ARHGAP10: variants seen among roughly 807,000 people sequenced by gnomAD.
The protein encoded by ARHGAP10 is Rho GTPase activating protein 10.
ARHGAP10 carries 87 observed loss-of-function variants against 108.6 expected under a neutral mutation model. The ratio of observed to expected loss-of-function variants is 0.80; its 90% CI spans 0.67 to 0.96. The LOEUF (loss-of-function observed/expected upper bound fraction) is 0.96. Among genes scored for constraint, ARHGAP10 ranks in the 40% least tolerant of loss-of-function variants. The pLI is 0.00. For synonymous variants in ARHGAP10, 347 were observed against 341.1 expected (o/e 1.02, Z -0.19); for missense variants, 939 against 954.5 (o/e 0.98, Z 0.21).
chr4:147,732,203 T>C lies in ARHGAP10; in HGVS notation c.-99T>C. 7.8e-7 allele frequency: 1 copy of C among 1,285,622 alleles called. No individual in the cohort carries two copies. The allele number at this position is 1,285,622 out of a possible 1,614,324, so 79.6% of individuals were successfully genotyped here. A position where few individuals can be genotyped will look rare whatever the true frequency, so the allele number is the denominator to read the frequency against. On this transcript the variant is annotated 5_prime_UTR_variant, in exon 1 of 23. Transcript: ENST00000336498. ...GCGCCCGGGCCTGCTAGCTCCTCTGTGCTCCCTGAACGCGCGGCGCCGCAC... is the reference window on the plus strand; with the variant it reads ...GCGCCCGGGCCTGCTAGCTCCTCTGCGCTCCCTGAACGCGCGGCGCCGCAC...
chr4:147,782,986 A>T (rs888697239), intron 1 of ARHGAP10, among the ~76,000 whole-genome samples: 3 of 140,276 alleles, frequency 2.1e-5, no homozygotes, highest in Non-Finnish European at 4.6e-5. Flanking sequence ...ATATTATATA[A>T]ATTATATATA....
chr4:147,911,833 T>G (rs1560822571), intron 12 of ARHGAP10, among the ~76,000 whole-genome samples: 1 of 152,056 alleles, frequency 6.6e-6, no homozygotes, highest in Non-Finnish European at 1.5e-5. Context: ...AATAATAAAA[T>G]ATTATTTTAA....
intron 19 of ARHGAP10, among the ~76,000 whole-genome samples, chr4:148,036,256 C>G (rs1728373767): frequency 6.6e-6 from 1 of 152,088 alleles, no homozygotes; most frequent in Non-Finnish European, 1.5e-5. Flanking sequence ...TTCTGTAGAT[C>G]TTATCTGTTT....
At position 147,870,012 on chromosome 4, in the gene ARHGAP10, G is replaced by C. The variant is rs866996397; in HGVS notation, c.702+3196G>C. The stretch of plus-strand genomic sequence containing the variant: ...AAAGTCCCAGTTTGTGTGTGTGTGT[G>C]TGTGTGTGTGTGTGTGTGTGTGTGT... On this transcript the variant is annotated intron_variant, in intron 7 of 22. Coordinates refer to ENST00000336498, the MANE Select transcript of ARHGAP10 (RefSeq NM_024605.4). Among the ~76,000 whole-genome samples the C allele has an allele frequency of 4.4e-3, 650 of 149,414 alleles. 12 individuals are homozygous for C. Among genetic ancestry groups the C allele is most frequent in the South Asian group, 0.011 (51 of 4,670 alleles).
At chr4:147,952,643 T>C (rs1235153166) in intron 15 of ARHGAP10, among the ~76,000 whole-genome samples, 1 of 152,148 alleles carries the variant, frequency 6.6e-6, no homozygotes, top group Non-Finnish European at 1.5e-5. Flanking sequence ...TTAAAAAATA[T>C]ATTTTGAGTA....
intron 1 of ARHGAP10, among the ~76,000 whole-genome samples, chr4:147,737,387 T>G (rs1728462554): frequency 6.6e-6 from 1 of 150,678 alleles, no homozygotes; most frequent in African/African-American, 2.5e-5. Context: ...ACTCCTGGCC[T>G]CATGTGATCC....
At position 147,967,322 on chromosome 4, in the gene ARHGAP10, C is replaced by G. The variant is rs1739241439; in HGVS notation, c.1716+483C>G. On this transcript the variant is annotated intron_variant, in intron 18 of 22. Transcript: ENST00000336498. The stretch of plus-strand genomic sequence containing the variant: ...TGAGGGGCAGTGAAGCCAGCCCCTG[C>G]TCTGCACCTGGGAAACCGCCTGCCT... 3.3e-5 allele frequency among the ~76,000 whole-genome samples: 5 copies of G among 152,224 alleles called. 1 individual carries two copies. Among genetic ancestry groups the G allele is most frequent in the Admixed American group, 3.3e-4 (5 of 15,284 alleles).
At chr4:147,925,658 C>T (rs2126940984) in intron 13 of ARHGAP10, among the ~76,000 whole-genome samples, 1 of 152,300 alleles carries the variant, frequency 6.6e-6, no homozygotes. Context: ...TAAAGATGAG[C>T]TTCAATCTAA....
chr4:148,030,711 C>T (rs908418151), intron 19 of ARHGAP10, among the ~76,000 whole-genome samples: 2 of 152,134 alleles, frequency 1.3e-5, no homozygotes, highest in South Asian at 2.1e-4. Flanking sequence ...AGAGAACACT[C>T]CTTGTATTTA....
chr4:148,038,972 CTT>C (rs1728501624), intron 19 of ARHGAP10, among the ~76,000 whole-genome samples: 2 of 130,404 alleles, frequency 1.5e-5, no homozygotes, highest in African/African-American at 3.6e-5. Flanking sequence ...CTGTTACTTT[CTT>C]AAACTATATT....
chr4:147,783,207 CACATT>C (rs1379788807), intron 1 of ARHGAP10, among the ~76,000 whole-genome samples: 3 of 141,328 alleles, frequency 2.1e-5, no homozygotes, highest in Non-Finnish European at 4.5e-5. Context: ...ATTTATATAA[CACATT>C]AAATTATGTA....
At chr4:148,053,742 T>C (rs764627533) in intron 20 of ARHGAP10, among the ~76,000 whole-genome samples, 4 of 152,164 alleles carry the variant, frequency 2.6e-5, no homozygotes, top group East Asian at 1.9e-4. Context: ...GTATAGAAAT[T>C]ATGCTATGCC....
At chr4:147,897,494 T>C (rs1462512504) in intron 10 of ARHGAP10, among the ~76,000 whole-genome samples, 2 of 152,178 alleles carry the variant, frequency 1.3e-5, no homozygotes, top group East Asian at 3.8e-4. Flanking sequence ...TAGTTTTTTT[T>C]GCTGTTGCCT....
intron 3 of ARHGAP10, among the ~76,000 whole-genome samples, chr4:147,841,423 C>T (rs1733411425): frequency 6.6e-6 from 1 of 152,168 alleles, no homozygotes; most frequent in Non-Finnish European, 1.5e-5. Context: ...AATATTATTA[C>T]TTCATCCATC....
chr4:147,971,186 GC>G (rs1739394160), intron 18 of ARHGAP10, among the ~76,000 whole-genome samples: 1 of 152,044 alleles, frequency 6.6e-6, no homozygotes, highest in Non-Finnish European at 1.5e-5. Context: ...TTCCCAGGTG[GC>G]AAAGGGTGCT....
intron 20 of ARHGAP10, among the ~76,000 whole-genome samples, chr4:148,053,415 T>C (rs1221237030): frequency 6.6e-6 from 1 of 152,194 alleles, no homozygotes; most frequent in Non-Finnish European, 1.5e-5. Flanking sequence ...TAATTATCTA[T>C]GGGGAATAAA....
chr4:147,908,950 A>G (rs1736618420), intron 11 of ARHGAP10, among the ~76,000 whole-genome samples: 1 of 152,060 alleles, frequency 6.6e-6, no homozygotes, highest in Non-Finnish European at 1.5e-5. Flanking sequence ...TGTGTTATTA[A>G]CTGAGAAAAC....
chr4:147,768,730 A>T (rs994428932), intron 1 of ARHGAP10, among the ~76,000 whole-genome samples: 32 of 140,886 alleles, frequency 2.3e-4, no homozygotes, highest in African/African-American at 7.4e-4. Flanking sequence ...AATGGGGGCA[A>T]ATTTTCTTGT....
chr4:147,820,580 G>GTT (rs57534364), intron 1 of ARHGAP10, among the ~76,000 whole-genome samples: 551 of 49,038 alleles, frequency 0.011, 41 homozygotes, highest in Admixed American at 0.024. Flanking sequence ...ACCTCGGCCA[G>GTT]TTTTTTTTTT....
Sources: allele counts gnomAD v4.1 joint callset (sites outside exome capture counted in the v4.1 genomes callset), GRCh38; gene constraint gnomAD v4.1.1; transcripts MANE v1.5; gene names NCBI Gene and HGNC (gene_info 2026-07-23, HGNC 2026-07-21).